NCAM2: variants seen among roughly 807,000 people sequenced by gnomAD.
The protein encoded by NCAM2 is neural cell adhesion molecule 2.
NCAM2 carries 30 observed loss-of-function variants against 98.1 expected under a neutral mutation model. The observed-to-expected ratio is 0.31, with a 90% confidence interval of 0.23 to 0.41. The LOEUF (loss-of-function observed/expected upper bound fraction) is 0.41. Among genes scored for constraint, NCAM2 ranks in the 10% least tolerant of loss-of-function variants. The pLI is 1.00. For missense variants in NCAM2, 867 were observed against 1,005.8 expected (o/e 0.86, Z 1.87); for synonymous variants, 368 against 342.4 (o/e 1.07, Z -0.83).
chr21:21,061,603 T>C (rs2065324623), intron 1 of NCAM2, among the ~76,000 whole-genome samples: 1 of 151,270 alleles, frequency 6.6e-6, no homozygotes, highest in African/African-American at 2.5e-5. Flanking sequence ...GTTGGAATCA[T>C]ACAGCCTATT....
chr21:21,120,426 G>A (rs1284603003), intron 1 of NCAM2, among the ~76,000 whole-genome samples: 1 of 152,084 alleles, frequency 6.6e-6, no homozygotes, highest in African/African-American at 2.4e-5. Flanking sequence ...TCCTTTAGTG[G>A]CACTGTAGGT....
intron 8 of NCAM2, among the ~76,000 whole-genome samples, chr21:21,362,450 G>A (rs1450938305): frequency 6.6e-6 from 1 of 151,060 alleles, no homozygotes; most frequent in East Asian, 2.0e-4. Context: ...GCTGAGTACA[G>A]TGCTGCAATC....
At chr21:21,088,151 A>G (rs1230848227) in intron 1 of NCAM2, among the ~76,000 whole-genome samples, 1 of 152,234 alleles carries the variant, frequency 6.6e-6, no homozygotes. Context: ...GCTTTCAAAC[A>G]GTTAAATATA....
intron 1 of NCAM2, among the ~76,000 whole-genome samples, chr21:21,269,786 G>A (rs1601825166): frequency 6.6e-6 from 1 of 152,082 alleles, no homozygotes; most frequent in East Asian, 1.9e-4. Flanking sequence ...TTTTGTAGTA[G>A]CATTTGCAGT....
intron 9 of NCAM2, among the ~76,000 whole-genome samples, chr21:21,380,783 G>A (rs1342428562): frequency 2.0e-5 from 3 of 152,070 alleles, no homozygotes; most frequent in Non-Finnish European, 4.4e-5. Context: ...TCTTTACCTT[G>A]GTCGCAGCTG....
chr21:21,229,242 T>G (rs1321761647), intron 1 of NCAM2, among the ~76,000 whole-genome samples: 2 of 151,554 alleles, frequency 1.3e-5, no homozygotes, highest in East Asian at 3.9e-4. Flanking sequence ...CACTTTAATA[T>G]CTTAATAACC....
At chr21:21,125,042 T>G (rs540571010) in intron 1 of NCAM2, among the ~76,000 whole-genome samples, 1 of 152,242 alleles carries the variant, frequency 6.6e-6, no homozygotes, top group Non-Finnish European at 1.5e-5. Flanking sequence ...CACCAGTTTC[T>G]AAGTGTTTTA....
intron 12 of NCAM2, among the ~76,000 whole-genome samples, chr21:21,458,857 C>T (rs1982545330): frequency 6.6e-6 from 1 of 151,950 alleles, no homozygotes; most frequent in African/African-American, 2.4e-5. Context: ...GGGATTGCAT[C>T]AAGATGAAAA....
chr21:21,331,105 A>G (rs959026629), intron 6 of NCAM2, among the ~76,000 whole-genome samples: 1 of 151,976 alleles, frequency 6.6e-6, no homozygotes. Context: ...TACCCTCTGT[A>G]TCATACCTAT....
chr21:21,025,646 G>C (rs571405901), intron 1 of NCAM2, among the ~76,000 whole-genome samples: 58 of 151,872 alleles, frequency 3.8e-4, no homozygotes, highest in African/African-American at 1.4e-3. Flanking sequence ...CCAGGAATTT[G>C]TTCTCTTATA....
rs188059091 is a variant in NCAM2, at chr21:21,275,643, T to C, written c.56-4935T>C. 6.6e-5 allele frequency among the ~76,000 whole-genome samples: 10 copies of C among 152,244 alleles called. No homozygotes were observed. The East Asian group carries it at 1.9e-3, about 29-fold the overall frequency. Reference sequence around the variant, plus strand: ...TTGTGTCAACAGAGGTAGAAAATCTTAACATCTTTGACTTTTCTCCTTTAT... The same window carrying C: ...TTGTGTCAACAGAGGTAGAAAATCTCAACATCTTTGACTTTTCTCCTTTAT... On this transcript the variant is annotated intron_variant, in intron 1 of 17. Transcript: ENST00000400546.
chr21:21,017,607 A>G (rs2064339768), intron 1 of NCAM2, among the ~76,000 whole-genome samples: 1 of 151,964 alleles, frequency 6.6e-6, no homozygotes, highest in South Asian at 2.1e-4. Flanking sequence ...GAGCTATACT[A>G]TTCCTCGCTT....
chr21:21,358,467 GAC>G (rs2075557056), intron 8 of NCAM2, among the ~76,000 whole-genome samples: 1 of 151,786 alleles, frequency 6.6e-6, no homozygotes, highest in South Asian at 2.1e-4. Flanking sequence ...TTCTATCACA[GAC>G]ACACACACAT....
intron 1 of NCAM2, among the ~76,000 whole-genome samples, chr21:21,110,543 A>G (rs908317916): frequency 4.0e-5 from 6 of 151,740 alleles, no homozygotes; most frequent in Non-Finnish European, 8.8e-5. Context: ...AGTCTAGGGT[A>G]TACCAGATTA....
intron 1 of NCAM2, among the ~76,000 whole-genome samples, chr21:21,062,962 T>G (rs765062507): frequency 2.0e-5 from 3 of 152,176 alleles, no homozygotes; most frequent in Admixed American, 6.5e-5. Context: ...GTTAGTGTTA[T>G]GTTGTATCAT....
At chr21:21,339,542 G>A (rs2074967573) in intron 8 of NCAM2, among the ~76,000 whole-genome samples, 1 of 151,804 alleles carries the variant, frequency 6.6e-6, no homozygotes, top group Non-Finnish European at 1.5e-5. Flanking sequence ...CTATTACATT[G>A]CTTTTCTCTA....
intron 1 of NCAM2, among the ~76,000 whole-genome samples, chr21:21,049,691 G>A (rs1002305870): frequency 2.6e-5 from 4 of 151,970 alleles, no homozygotes; most frequent in African/African-American, 7.2e-5. Flanking sequence ...GACCAACATG[G>A]AGAAACCCTG....
chr21:21,447,551 G>A (rs1253068907), intron 12 of NCAM2, among the ~76,000 whole-genome samples: 5 of 151,570 alleles, frequency 3.3e-5, no homozygotes, highest in African/African-American at 9.7e-5. Flanking sequence ...TGACAAATGG[G>A]ATTTAACTAA....
chr21:21,527,582 T>G (rs924931899), intron 16 of NCAM2, among the ~76,000 whole-genome samples: 1 of 151,986 alleles, frequency 6.6e-6, no homozygotes, highest in Non-Finnish European at 1.5e-5. Flanking sequence ...CATATACAAA[T>G]AGTAAATAAG....
Sources: gnomAD v4.1 joint callset for allele counts (sites outside exome capture counted in the v4.1 genomes callset) on GRCh38, gnomAD v4.1.1 for gene constraint, MANE v1.5 for transcripts, NCBI Gene and HGNC (gene_info 2026-07-23, HGNC 2026-07-21) for gene names.